PDE4D: variants seen among roughly 807,000 people sequenced by gnomAD.
PDE4D encodes phosphodiesterase 4D.
A neutral mutation model predicts 87.4 loss-of-function variants in PDE4D; 24 were observed. The ratio of observed to expected loss-of-function variants is 0.27; its 90% CI spans 0.20 to 0.39. The LOEUF (loss-of-function observed/expected upper bound fraction) is 0.39, where lower values mean the gene tolerates loss of function less well. PDE4D is among the 10% of genes least tolerant of loss of function. The pLI is 1.00. For missense variants in PDE4D, 714 were observed against 1,041.0 expected, an observed-to-expected ratio of 0.69 and a Z score of 4.32; for synonymous variants, 384 against 383.2, an observed-to-expected ratio of 1.00 and a Z score of -0.02.
At chr5:59,280,718 A>C (rs1199072424) in intron 1 of PDE4D, among the ~76,000 whole-genome samples, 1 of 152,140 alleles carries the variant, frequency 6.6e-6, no homozygotes, top group Non-Finnish European at 1.5e-5. Flanking sequence ...TTCATACACA[A>C]GAATGAGACC....
intron 3 of PDE4D, among the ~76,000 whole-genome samples, chr5:59,969,255 A>T (rs1760426290): frequency 6.6e-6 from 1 of 152,200 alleles, no homozygotes; most frequent in Admixed American, 6.5e-5. Context: ...AATGATTCAC[A>T]TCTCACAAAG....
At chr5:59,199,941 T>C (rs773080450) in intron 2 of PDE4D, among the ~76,000 whole-genome samples, 6 of 151,734 alleles carry the variant, frequency 4.0e-5, no homozygotes, top group Non-Finnish European at 7.4e-5. Context: ...CATATATACA[T>C]ATATACATAC....
At chr5:59,018,379 G>A (rs1290268442) in intron 6 of PDE4D, among the ~76,000 whole-genome samples, 1 of 152,186 alleles carries the variant, frequency 6.6e-6, no homozygotes, top group Non-Finnish European at 1.5e-5. Context: ...TCCATGTTGT[G>A]TAAGTCTATT....
chr5:59,823,183 AAG>A (rs1475235459), intron 1 of PDE4D, among the ~76,000 whole-genome samples: 1 of 152,176 alleles, frequency 6.6e-6, no homozygotes. Context: ...GAGCTTTAAA[AAG>A]AGTTTCATCT....
At chr5:59,620,790 G>A (rs1259408432) in intron 1 of PDE4D, among the ~76,000 whole-genome samples, 2 of 152,134 alleles carry the variant, frequency 1.3e-5, no homozygotes, top group African/African-American at 4.8e-5. Context: ...GTCACTCAAG[G>A]TCATGAATTG....
At chr5:59,295,522 C>A (rs1461518911) in intron 1 of PDE4D, among the ~76,000 whole-genome samples, 1 of 152,100 alleles carries the variant, frequency 6.6e-6, no homozygotes, top group South Asian at 2.1e-4. Flanking sequence ...CCCAGGTTGC[C>A]TGTTGCCTCT....
rs1378288950 is a variant in PDE4D at position 58,977,354 on chromosome 5, A to C, written c.1553-9T>G. The stretch of plus-strand genomic sequence containing the variant: ...CAAGGCAAGTTCAGAGTCTGTAAAA[A>C]AGACAAAAGGCCAAAGATCAGCAAA... On this transcript the variant is annotated splice_polypyrimidine_tract_variant and intron_variant, in intron 11 of 14. Coordinates refer to ENST00000340635, the MANE Select transcript of PDE4D (RefSeq NM_001104631.2). 6.3e-7 allele frequency: 1 copy of C among 1,599,548 alleles called. No homozygotes were observed. Among genetic ancestry groups the C allele is most frequent in the Admixed American group, 1.8e-5 (1 of 55,690 alleles).
chr5:60,358,899 A>C (rs1242744449), intron 1 of PDE4D, among the ~76,000 whole-genome samples: 3 of 152,200 alleles, frequency 2.0e-5, no homozygotes, highest in African/African-American at 7.2e-5. Context: ...TAGAAGGACA[A>C]ACAGAAGCAA....
chr5:59,229,235 A>G (rs549129944), intron 1 of PDE4D, among the ~76,000 whole-genome samples: 2 of 152,264 alleles, frequency 1.3e-5, no homozygotes, highest in South Asian at 2.1e-4. Flanking sequence ...AAATATTTGT[A>G]TCGTGAATAC....
intron 1 of PDE4D, among the ~76,000 whole-genome samples, chr5:59,661,588 A>T (rs902039808): frequency 2.0e-5 from 3 of 152,174 alleles, no homozygotes; most frequent in African/African-American, 7.2e-5. Flanking sequence ...TAGGTAAATA[A>T]ACTTGTGTAT....
chr5:60,259,267 T>G (rs2149699977), intron 1 of PDE4D, among the ~76,000 whole-genome samples: 1 of 152,130 alleles, frequency 6.6e-6, no homozygotes, highest in East Asian at 1.9e-4. Context: ...AAAAACAAAC[T>G]CATCATAAAT....
At chr5:60,457,586 G>C (rs1746571888) in intron 1 of PDE4D, among the ~76,000 whole-genome samples, 1 of 152,160 alleles carries the variant, frequency 6.6e-6, no homozygotes, top group African/African-American at 2.4e-5. Flanking sequence ...AGAGTGAATA[G>C]TAATTTCATT....
chr5:59,299,222 G>C (rs552388741), intron 1 of PDE4D, among the ~76,000 whole-genome samples: 5 of 152,314 alleles, frequency 3.3e-5, no homozygotes, highest in South Asian at 4.1e-4. Context: ...TAACCTGGGA[G>C]TGGTGGATTG....
chr5:60,169,883 A>G (rs543114735), intron 2 of PDE4D, among the ~76,000 whole-genome samples: 11 of 152,112 alleles, frequency 7.2e-5, no homozygotes, highest in Admixed American at 2.6e-4. Flanking sequence ...GCATAATTTT[A>G]TATCATTTTA....
At chr5:60,061,654 G>A (rs1341550415) in intron 2 of PDE4D, among the ~76,000 whole-genome samples, 2 of 152,058 alleles carry the variant, frequency 1.3e-5, no homozygotes, top group African/African-American at 4.8e-5. Flanking sequence ...AATAAAGCTG[G>A]AGGCATCACA....
At chr5:59,749,827 T>G (rs191908207) in intron 1 of PDE4D, among the ~76,000 whole-genome samples, 1 of 152,238 alleles carries the variant, frequency 6.6e-6, no homozygotes, top group East Asian at 1.9e-4. Context: ...TACATTCAGT[T>G]ATCTAAGTGA....
At chr5:59,997,154 C>A (rs1763594730) in intron 2 of PDE4D, among the ~76,000 whole-genome samples, 1 of 152,036 alleles carries the variant, frequency 6.6e-6, no homozygotes, top group Non-Finnish European at 1.5e-5. Context: ...AAAGTCAATT[C>A]TATTTTGTTA....
chr5:60,014,669 G>A (rs1449170131), intron 2 of PDE4D, among the ~76,000 whole-genome samples: 9 of 152,176 alleles, frequency 5.9e-5, no homozygotes, highest in Admixed American at 1.3e-4. Flanking sequence ...AATAGCTTTC[G>A]CCCAATGGAA....
chr5:60,380,739 C>G (rs552622951), intron 1 of PDE4D, among the ~76,000 whole-genome samples: 49 of 152,168 alleles, frequency 3.2e-4, no homozygotes, highest in South Asian at 6.2e-4. Context: ...TTAGGCTAAA[C>G]ATAAGAAGTG....
Sources: allele counts gnomAD v4.1 joint callset (sites outside exome capture counted in the v4.1 genomes callset), GRCh38; gene constraint gnomAD v4.1.1; transcripts MANE v1.5; gene names NCBI Gene and HGNC (gene_info 2026-07-23, HGNC 2026-07-21).